Variants in LGMN observed in about 807,000 individuals in gnomAD.
The protein encoded by LGMN is legumain.
LGMN carries 36 observed loss-of-function variants against 56.8 expected under a neutral mutation model. The ratio of observed to expected loss-of-function variants is 0.63; its 90% CI spans 0.49 to 0.84. The LOEUF (loss-of-function observed/expected upper bound fraction) is 0.84. LGMN is among the 40% of genes least tolerant of loss of function. The pLI, the probability that LGMN is intolerant of heterozygous loss-of-function variation, is 0.00. For missense variants in LGMN, 446 were observed against 556.1 expected (o/e 0.80, Z 1.99); for synonymous variants, 199 against 210.1 (o/e 0.95, Z 0.46).
At chr14:92,716,407 C>T (rs551617808) in intron 4 of LGMN, among the ~76,000 whole-genome samples, 186 bp from the exon 5 acceptor site, 3 of 152,242 alleles carry the variant, frequency 2.0e-5, no homozygotes, top group Non-Finnish European at 4.4e-5. Flanking sequence ...CCGAAGCGGG[C>T]GGAACACTTG....
At chr14:92,710,972 A>T (rs1889734713) in intron 10 of LGMN, among the ~76,000 whole-genome samples, 1 of 152,214 alleles carries the variant, frequency 6.6e-6, no homozygotes, top group Non-Finnish European at 1.5e-5. Context: ...TGCCCAAGGA[A>T]CAGATCTCAG....
At chr14:92,705,891 G>A (rs1171202401) in intron 12 of LGMN, among the ~76,000 whole-genome samples, 1 of 152,164 alleles carries the variant, frequency 6.6e-6, no homozygotes, top group Non-Finnish European at 1.5e-5. Context: ...GCCTCCCAAC[G>A]TGCTGGGATT....
At chr14:92,713,215 C>T (rs1595532235) in intron 7 of LGMN, among the ~76,000 whole-genome samples, 1 of 152,118 alleles carries the variant, frequency 6.6e-6, no homozygotes, top group Non-Finnish European at 1.5e-5. Flanking sequence ...TCACGTATCA[C>T]CCAACCCATG....
intron 2 of LGMN, among the ~76,000 whole-genome samples, chr14:92,725,880 T>A (rs1279527023): frequency 6.6e-6 from 1 of 152,030 alleles, no homozygotes; most frequent in Non-Finnish European, 1.5e-5. Context: ...TGGCCACGGA[T>A]TTTTTTAAAT....
intron 1 of LGMN, among the ~76,000 whole-genome samples, chr14:92,746,720 C>T (rs1891834534): frequency 2.0e-5 from 3 of 152,100 alleles, no homozygotes; most frequent in African/African-American, 7.2e-5. Flanking sequence ...GGAAGATGTA[C>T]CCCTCTATTC....
In LGMN at chr14:92,742,498, G is replaced by A. The variant is rs118089298; in HGVS notation, c.-30+5991C>T. 7.6e-3 allele frequency among the ~76,000 whole-genome samples: 1,149 copies of A among 152,062 alleles called. 28 individuals are homozygous for A. The South Asian group carries it at 0.08, about 11-fold the overall frequency. On this transcript the variant is annotated intron_variant, in intron 1 of 13. Coordinates refer to ENST00000334869, the MANE Select transcript of LGMN (RefSeq NM_005606.7). ...TTTTAGGTTTTGCCATGTTGGCCAG[G>A]CTGGTCTCGAGTTCCTGGCCTCAAG...
chr14:92,712,050 G>C, intron 8 of LGMN, 95 bp from the exon 9 acceptor site: 1 of 939,260 alleles, frequency 1.1e-6, no homozygotes, highest in Non-Finnish European at 1.7e-6. Context: ...CGGTGAAATC[G>C]AAGCATGCTA....
chr14:92,720,090 G>C (rs1162284220), intron 2 of LGMN, among the ~76,000 whole-genome samples: 2 of 152,130 alleles, frequency 1.3e-5, no homozygotes, highest in African/African-American at 4.8e-5. Flanking sequence ...GACAAAGATG[G>C]GTGCTTGGTA....
At chr14:92,711,397 G>A (rs1401951187) in intron 10 of LGMN, among the ~76,000 whole-genome samples, 1 of 152,166 alleles carries the variant, frequency 6.6e-6, no homozygotes, top group Admixed American at 6.5e-5. Flanking sequence ...TTGTACGCTT[G>A]GGTTTCAACC....
chr14:92,713,754 G>T, intron 7 of LGMN, 69 bp downstream of exon 7: 1 of 1,050,110 alleles, frequency 9.5e-7, no homozygotes, highest in Non-Finnish European at 1.5e-6. Context: ...TCACGGGACT[G>T]TGGGCTCTGC....
intron 2 of LGMN, among the ~76,000 whole-genome samples, chr14:92,722,803 T>C (rs1018342975): frequency 6.6e-6 from 1 of 152,160 alleles, no homozygotes; most frequent in Non-Finnish European, 1.5e-5. Flanking sequence ...ACATTTCACC[T>C]AAGAAGATAT....
intron 11 of LGMN, among the ~76,000 whole-genome samples, chr14:92,709,427 AG>A (rs945556356): frequency 1.3e-5 from 2 of 152,368 alleles, no homozygotes; most frequent in Admixed American, 6.5e-5. Context: ...GGTACGATAC[AG>A]GGGAGATAGG....
chr14:92,735,970 G>A (rs1275736023), intron 1 of LGMN, among the ~76,000 whole-genome samples: 3 of 152,132 alleles, frequency 2.0e-5, no homozygotes, highest in Non-Finnish European at 4.4e-5. Flanking sequence ...TGTGTTTCCA[G>A]AAAGGGGTCC....
In LGMN at chr14:92,717,373, C is replaced by T. The variant is rs2295986; in HGVS notation, c.318+7G>A. Reference sequence around the variant, plus strand: ...ACCAGCTGGCTCCAACCGTAGAAGCCACTCACCTCTCCAGTGTAGTCCTTC... The same window carrying T: ...ACCAGCTGGCTCCAACCGTAGAAGCTACTCACCTCTCCAGTGTAGTCCTTC... On this transcript the variant is annotated splice_region_variant and intron_variant, in intron 4 of 13. Transcript: ENST00000334869. 15,308 of 1,554,128 alleles carry T rather than the reference C, an allele frequency of 9.8e-3. 866 individuals are homozygous for T. In the East Asian group the frequency reaches 0.15, roughly 15 times the overall value.
intron 4 of LGMN, 21 bp from the exon 5 acceptor site, chr14:92,716,242 C>T: frequency 6.5e-7 from 1 of 1,548,848 alleles, no homozygotes; most frequent in Middle Eastern, 1.7e-4. Context: ...TTAGGAGCCA[C>T]AATCAGATGC....
At chr14:92,740,252 AAAAGAAAGAAAG>A (rs749775052) in intron 1 of LGMN, among the ~76,000 whole-genome samples, 2 of 152,190 alleles carry the variant, frequency 1.3e-5, no homozygotes, top group Admixed American at 1.3e-4. Context: ...CCGTCTCAAA[AAAAGAAAGAAAG>A]AAAGAAAGAC....
intron 1 of LGMN, among the ~76,000 whole-genome samples, chr14:92,746,892 CG>C (rs1891842829): frequency 6.6e-6 from 1 of 152,048 alleles, no homozygotes; most frequent in Non-Finnish European, 1.5e-5. Flanking sequence ...AAAAATTAGC[CG>C]GGCGTGGTGG....
intron 10 of LGMN, among the ~76,000 whole-genome samples, chr14:92,710,668 C>A (rs1595528946): frequency 6.6e-6 from 1 of 152,268 alleles, no homozygotes; most frequent in Non-Finnish European, 1.5e-5. Context: ...AGATCCACCA[C>A]AACTCCTCAA....
chr14:92,713,583 G>A (rs7144359), intron 7 of LGMN, among the ~76,000 whole-genome samples: 3,091 of 152,208 alleles, frequency 0.02, 117 homozygotes, highest in African/African-American at 0.071. Flanking sequence ...GGCCCCCTCC[G>A]CAGACCTACT....
Sources: allele counts gnomAD v4.1 joint callset (sites outside exome capture counted in the v4.1 genomes callset), GRCh38; gene constraint gnomAD v4.1.1; transcripts MANE v1.5; gene names NCBI Gene and HGNC (gene_info 2026-07-23, HGNC 2026-07-21).